GUCY2C: variants seen among roughly 807,000 people sequenced by gnomAD.
The protein encoded by GUCY2C is guanylate cyclase 2C, also known as guanylyl cyclase C.
Under a neutral mutation model 131.1 loss-of-function variants are expected in GUCY2C, and 118 were observed. The ratio of observed to expected loss-of-function variants is 0.90; its 90% CI spans 0.78 to 1.05. The LOEUF is 1.05. Among genes scored for constraint, GUCY2C ranks in the 50% least tolerant of loss-of-function variants. The pLI is 0.00. For missense variants in GUCY2C, 1,161 were observed against 1,304.4 expected (o/e 0.89, Z 1.69); for synonymous variants, 452 against 457.8 (o/e 0.99, Z 0.16).
In GUCY2C at chr12:14,680,596, CT is replaced by C. The variant is rs757746483; in HGVS notation, c.733+759del. ...ATTCTCACAATGGATTCCTTTGCCC[CT>C]GATACATTCTTGTTTGTCAAGAGAA... On this transcript the variant is annotated intron_variant, in intron 5 of 26. Transcript: ENST00000261170. 1.4e-4 allele frequency among the ~76,000 whole-genome samples: 21 copies of C among 152,266 alleles called. 1 individual carries two copies. The highest frequency in any genetic ancestry group is 8.5e-4 in the Admixed American group (13 of 15,278).
chr12:14,640,292 A>G lies in GUCY2C; in HGVS notation c.2069-342T>C, dbSNP rs139122240. 1.4e-3 allele frequency among the ~76,000 whole-genome samples: 214 copies of G among 152,050 alleles called. 3 individuals are homozygous for G. The South Asian group carries it at 0.019, about 13-fold the overall frequency. On this transcript the variant is annotated intron_variant, in intron 18 of 26. Transcript: ENST00000261170. ...GGCAACATGGTGAAACCCCGTCTCTACATAAAGTACAAAAATTAGCCAGGT... is the reference window on the plus strand; with the variant it reads ...GGCAACATGGTGAAACCCCGTCTCTGCATAAAGTACAAAAATTAGCCAGGT...
At chr12:14,664,287 T>C (rs1338281167) in intron 10 of GUCY2C, among the ~76,000 whole-genome samples, 1 of 152,128 alleles carries the variant, frequency 6.6e-6, no homozygotes, top group East Asian at 1.9e-4. Context: ...CTCCCACCAT[T>C]CTCACGCCCT....
rs187836607 is a variant in GUCY2C at position 14,683,002 on chromosome 12, C to T, written c.611+40G>A. 2.8e-4 allele frequency: 390 copies of T among 1,400,414 alleles called. 4 individuals are homozygous for T. In the African/African-American group the frequency reaches 4.5e-3, roughly 16 times the overall value. 86.7% of individuals were successfully genotyped at this position (1,400,414 alleles called of 1,614,324 possible). A position where few individuals can be genotyped will look rare whatever the true frequency, so the allele number is the denominator to read the frequency against. On this transcript the variant is annotated intron_variant, in intron 4 of 26. Transcript: ENST00000261170. The stretch of plus-strand genomic sequence containing the variant: ...GCCTGCATGATCCTATGGCTTCTCT[C>T]CATGGCAAGTGCTAGTGAAATATTA...
intron 15 of GUCY2C, among the ~76,000 whole-genome samples, chr12:14,648,258 C>A (rs1592109854): frequency 7.6e-6 from 1 of 131,954 alleles, no homozygotes; most frequent in East Asian, 2.2e-4. Flanking sequence ...CCGCACCTAG[C>A]CTCATCTTTA....
At chr12:14,617,303 A>C (rs1946786391) in intron 24 of GUCY2C, among the ~76,000 whole-genome samples, 1 of 152,156 alleles carries the variant, frequency 6.6e-6, no homozygotes, top group African/African-American at 2.4e-5. Flanking sequence ...TCACACAAGA[A>C]ATATAATCTC....
chr12:14,681,925 G>T (rs10734880), intron 4 of GUCY2C, among the ~76,000 whole-genome samples: 150,362 of 152,280 alleles, frequency 0.99, 74,249 homozygotes, highest in Middle Eastern at 1. Context: ...GTACAAAAAT[G>T]CAGAGTTGAT....
intron 19 of GUCY2C, among the ~76,000 whole-genome samples, chr12:14,633,610 A>C (rs1412778108): frequency 6.6e-6 from 1 of 152,030 alleles, no homozygotes; most frequent in Non-Finnish European, 1.5e-5. Flanking sequence ...ATTAAAAATA[A>C]TATTAAAGGA....
chr12:14,671,855 G>A (rs192164393), intron 9 of GUCY2C, among the ~76,000 whole-genome samples: 44 of 152,228 alleles, frequency 2.9e-4, no homozygotes, highest in African/African-American at 9.6e-4. Context: ...GTATTCTTAC[G>A]GAATGTATGC....
At position 14,613,762 on chromosome 12, in the gene GUCY2C, T is replaced by C. The variant is rs1946698362; in HGVS notation, c.3048-471A>G. Among the ~76,000 whole-genome samples the C allele has an allele frequency of 6.6e-6, 1 of 151,994 alleles. No homozygotes were observed. Among genetic ancestry groups the C allele is most frequent in the Non-Finnish European group, 1.5e-5 (1 of 67,972 alleles). The stretch of plus-strand genomic sequence containing the variant: ...CAGGTTTCTCATGCCCCAGGGAAGA[T>C]TTGGGTTGTTTTGGCTTTTCTAGAA... On this transcript the variant is annotated intron_variant, in intron 26 of 26. Coordinates refer to ENST00000261170, the MANE Select transcript of GUCY2C (RefSeq NM_004963.4). The surrounding 1 kb of genome is among the most constrained non-coding windows in gnomAD (Gnocchi z 4.9).
intron 2 of GUCY2C, 138 bp downstream of exon 2, chr12:14,687,813 C>A (rs1389410603): frequency 4.8e-6 from 3 of 618,898 alleles, no homozygotes; most frequent in Non-Finnish European, 8.8e-6. Context: ...GAGTCTCCTG[C>A]CTGGTACTCG....
At chr12:14,662,542 G>C (rs548146188) in intron 10 of GUCY2C, among the ~76,000 whole-genome samples, 1 of 152,002 alleles carries the variant, frequency 6.6e-6, no homozygotes, top group Non-Finnish European at 1.5e-5. Flanking sequence ...TGGCCGTGGT[G>C]GTGGGTGCCT....
intron 5 of GUCY2C, among the ~76,000 whole-genome samples, chr12:14,680,959 C>G (rs541166930): frequency 6.6e-6 from 1 of 152,152 alleles, no homozygotes; most frequent in East Asian, 1.9e-4. Flanking sequence ...TAAATTCATC[C>G]TCTTGGTCAC....
chr12:14,634,492 C>G (rs950557375), intron 19 of GUCY2C, among the ~76,000 whole-genome samples: 4 of 152,038 alleles, frequency 2.6e-5, no homozygotes, highest in Non-Finnish European at 4.4e-5. Flanking sequence ...AGAGAAGGGT[C>G]TCAAAGGTTA....
chr12:14,631,121 A>G (rs780706413), intron 19 of GUCY2C, among the ~76,000 whole-genome samples: 2 of 152,226 alleles, frequency 1.3e-5, no homozygotes, highest in Admixed American at 1.3e-4. Context: ...GTCTGGCCAT[A>G]AAACTCATCT....
chr12:14,669,709 A>T lies in GUCY2C; in HGVS notation c.1282+13T>A. 1 of 1,277,248 alleles carries T rather than the reference A, an allele frequency of 7.8e-7. No individual in the cohort carries two copies. The allele number at this position is 1,277,248 out of a possible 1,614,324, so 79.1% of individuals were successfully genotyped here. A position where few individuals can be genotyped will look rare whatever the true frequency, so the allele number is the denominator to read the frequency against. The stretch of plus-strand genomic sequence containing the variant: ...CAGTGTCAGGGAGAGAAAATTCATT[A>T]GGGATATCTTACCCCGGCCTGTAAT... On this transcript the variant is annotated intron_variant, in intron 10 of 26. Transcript: ENST00000261170.
intron 11 of GUCY2C, among the ~76,000 whole-genome samples, chr12:14,656,930 A>G (rs1947773639): frequency 6.6e-6 from 1 of 152,230 alleles, no homozygotes; most frequent in Admixed American, 6.5e-5. Flanking sequence ...ACCTCAGATC[A>G]GGCATTAGAT....
intron 11 of GUCY2C, among the ~76,000 whole-genome samples, chr12:14,660,430 C>T (rs1168057291): frequency 6.6e-6 from 1 of 152,004 alleles, no homozygotes; most frequent in Non-Finnish European, 1.5e-5. Flanking sequence ...TAGTTCTGGC[C>T]CCACCCACTA....
At position 14,692,534 on chromosome 12, in the gene GUCY2C, T is replaced by A. The variant is rs188581408; in HGVS notation, c.217+3698A>T. On this transcript the variant is annotated intron_variant, in intron 1 of 26. Coordinates refer to ENST00000261170, the MANE Select transcript of GUCY2C (RefSeq NM_004963.4). ...ACATAAACATAACTCTTCAGCACCCTCATTAATTTTAAAGAGTTTAAAGAG... is the reference window on the plus strand; with the variant it reads ...ACATAAACATAACTCTTCAGCACCCACATTAATTTTAAAGAGTTTAAAGAG... Among the ~76,000 whole-genome samples, 19 of 152,308 alleles carry A rather than the reference T, an allele frequency of 1.2e-4. No individual in the cohort carries two copies. In the East Asian group the frequency reaches 3.7e-3, roughly 29 times the overall value.
intron 19 of GUCY2C, among the ~76,000 whole-genome samples, chr12:14,636,564 C>T (rs1443313234): frequency 6.6e-6 from 1 of 152,128 alleles, no homozygotes; most frequent in African/African-American, 2.4e-5. Context: ...AAAGCTTTCC[C>T]TCTAAGAACT....
Sources: allele counts gnomAD v4.1 joint callset (sites outside exome capture counted in the v4.1 genomes callset), GRCh38; gene constraint gnomAD v4.1.1; non-coding constraint Gnocchi (gnomAD v3.1); transcripts MANE v1.5; gene names NCBI Gene and HGNC (gene_info 2026-07-23, HGNC 2026-07-21).